The following ZNF559 variants were observed in gnomAD, a reference collection of about 807,000 sequenced individuals.
ZNF559 encodes the protein putative protein product of Nbla00121.
ZNF559 carries 17 observed loss-of-function variants against 14.2 expected under a neutral mutation model. That is an observed-to-expected ratio of 1.20 (90% CI 0.82 to 1.80). The LOEUF is 1.80. Ranked by LOEUF, ZNF559 falls within the 40% of genes most tolerant of loss-of-function variation. The pLI, the probability that ZNF559 is intolerant of heterozygous loss-of-function variation, is 0.00. For synonymous variants in ZNF559, 244 were observed against 212.4 expected (o/e 1.15, Z -1.29); for missense variants, 740 against 629.7 (o/e 1.18, Z -1.88).
rs188413054 is a variant in ZNF559, at chr19:9,339,809, C to T, written c.160+490C>T. Among the ~76,000 whole-genome samples the T allele has an allele frequency of 7.6e-3, 1,139 of 150,396 alleles. 9 individuals carry two copies. The highest frequency in any genetic ancestry group is 0.026 in the African/African-American group (1,085 of 40,986). ...TTTGAGACAGAGTCTTGCTCTGTCA[C>T]CCAGGCTGGAGTGCAGTGGCGTGAT... is the stretch of plus-strand genomic sequence containing the variant. On this transcript the variant is annotated intron_variant, in intron 5 of 6. Coordinates refer to ENST00000603380, the MANE Select transcript of ZNF559 (RefSeq NM_032497.3).
rs771747464 is a variant in ZNF559 at position 9,341,674 on chromosome 19, A to G, written c.244-21A>G. 1.8e-5 allele frequency: 29 copies of G among 1,600,240 alleles called. No individual in the cohort carries two copies. The African/African-American group carries it at 3.4e-4, about 19-fold the overall frequency. ...TAAATTTGGAAAACTTCTATGAACCATCATTAATTTTCACCAACAGGAGAG... is the reference window on the plus strand; with the variant it reads ...TAAATTTGGAAAACTTCTATGAACCGTCATTAATTTTCACCAACAGGAGAG... On this transcript the variant is annotated intron_variant, in intron 6 of 6. Transcript: ENST00000603380.
At chr19:9,324,319 G>A (rs980700114) in intron 1 of ZNF559, 91 bp downstream of exon 1, 42 of 1,535,012 alleles carry the variant, frequency 2.7e-5, no homozygotes, top group Non-Finnish European at 3.5e-5. Context: ...CCAGTGAAAT[G>A]GAGCCTGTCC....
intron 2 of ZNF559, among the ~76,000 whole-genome samples, chr19:9,332,615 GT>G (rs1306237900): frequency 6.6e-6 from 1 of 152,148 alleles, no homozygotes; most frequent in Non-Finnish European, 1.5e-5. Flanking sequence ...CTTGGTGAAA[GT>G]CTGTGGATGG....
chr19:9,327,648 C>G (rs1251091579), intron 2 of ZNF559, among the ~76,000 whole-genome samples: 3 of 152,138 alleles, frequency 2.0e-5, no homozygotes, highest in Non-Finnish European at 1.5e-5. Flanking sequence ...TGTTCTTTCT[C>G]CATTCTTTAG....
At chr19:9,337,186 C>T (rs2067285607) in intron 2 of ZNF559, among the ~76,000 whole-genome samples, 1 of 152,170 alleles carries the variant, frequency 6.6e-6, no homozygotes, top group Admixed American at 6.5e-5. Flanking sequence ...TGACTTCATA[C>T]ACTTATGCCC....
intron 2 of ZNF559, among the ~76,000 whole-genome samples, chr19:9,334,890 T>A (rs557373925): frequency 1.6e-4 from 25 of 152,058 alleles, no homozygotes; most frequent in African/African-American, 5.5e-4. Context: ...ATCCTAGCAC[T>A]TTGGGAGGCT....
chr19:9,337,994 T>A (rs746822942), intron 3 of ZNF559, 136 bp downstream of exon 3: 6 of 1,536,138 alleles, frequency 3.9e-6, no homozygotes, highest in Non-Finnish European at 5.2e-6. Flanking sequence ...CACAGGATGC[T>A]GGCCATTGGT....
At chr19:9,327,638 T>C (rs8108141) in intron 2 of ZNF559, among the ~76,000 whole-genome samples, 92,673 of 152,078 alleles carry the variant, frequency 0.61, 28,868 homozygotes, top group African/African-American at 0.73. Context: ...CTAGTTCTGT[T>C]GTTCTTTCTC....
intron 3 of ZNF559, 83 bp downstream of exon 3, chr19:9,337,941 G>T: frequency 1.3e-6 from 2 of 1,535,992 alleles, no homozygotes; most frequent in South Asian, 2.4e-5. Flanking sequence ...GTCTCGAAGA[G>T]ACTTTGGGAA....
chr19:9,338,019 T>G, intron 3 of ZNF559, 161 bp downstream of exon 3: 1 of 1,535,570 alleles, frequency 6.5e-7, no homozygotes, highest in Non-Finnish European at 8.7e-7. Flanking sequence ...CCCTTTGTGG[T>G]AAGTCCGTAT....
rs1292273534 is a variant in ZNF559 at position 9,345,616 on chromosome 19, CT to C, written c.*2552del. The C allele has an allele frequency of 6.6e-6, 1 of 151,394 alleles. No homozygotes were observed. The highest frequency in any genetic ancestry group is 1.5e-5 in the Non-Finnish European group (1 of 67,862). 9.4% of individuals were successfully genotyped at this position (151,394 alleles called of 1,614,324 possible). ...CCTTTGGGGAAGAGTCTGTTCAAAT[CT>C]TTTGCCTGTTTATATTGGCTTTATT... On this transcript the variant is annotated 3_prime_UTR_variant, in exon 7 of 7. Coordinates refer to ENST00000603380, the MANE Select transcript of ZNF559 (RefSeq NM_032497.3).
At position 9,341,824 on chromosome 19, in the gene ZNF559, GA is replaced by G. The variant is rs1411550239; in HGVS notation, c.378del (p.Ala127ProfsTer78). The G allele has an allele frequency of 6.2e-7, 1 of 1,611,264 alleles. No homozygotes were observed. Among genetic ancestry groups the G allele is most frequent in the African/African-American group, 1.3e-5 (1 of 74,616 alleles). On this transcript the variant is annotated frameshift_variant, in exon 7 of 7. Coordinates refer to ENST00000603380, the MANE Select transcript of ZNF559 (RefSeq NM_032497.3). LOFTEE classifies it low-confidence loss of function (END_TRUNC). ...RKKTCECNQCEKAFRKPSIFT... is the reference protein window; with the variant it reads ...RKKTCECNQCXKAFRKPSIFT... The stretch of plus-strand genomic sequence containing the variant: ...GAAAACCTGTGAGTGTAATCAATGT[GA>G]AAAAGCCTTCAGAAAACCCTCTATC...
chr19:9,340,815 C>G (rs1404043693), intron 5 of ZNF559, among the ~76,000 whole-genome samples: 2 of 147,832 alleles, frequency 1.4e-5, no homozygotes, highest in Non-Finnish European at 3.0e-5. Context: ...TTGTGATCCA[C>G]CTGTCTTGGC....
At position 9,345,676 on chromosome 19, in the gene ZNF559, C is replaced by T. The variant is rs924336997; in HGVS notation, c.*2608C>T. 1 of 150,518 alleles carries T rather than the reference C, an allele frequency of 6.6e-6. No homozygotes were observed. Among genetic ancestry groups the T allele is most frequent in the Admixed American group, 6.6e-5 (1 of 15,104 alleles). 9.3% of individuals were successfully genotyped at this position (150,518 alleles called of 1,614,324 possible). A position where few individuals can be genotyped will look rare whatever the true frequency, so the allele number is the denominator to read the frequency against. On this transcript the variant is annotated 3_prime_UTR_variant, in exon 7 of 7. Coordinates refer to ENST00000603380, the MANE Select transcript of ZNF559 (RefSeq NM_032497.3). Reference sequence around the variant, plus strand: ...ATTTTTATTTTTTTTTATATAGAGACAGGGTTTTACTCTGTCTCCCAGGCT... The same window carrying T: ...ATTTTTATTTTTTTTTATATAGAGATAGGGTTTTACTCTGTCTCCCAGGCT...
At chr19:9,339,463 G>C in intron 5 of ZNF559, 144 bp downstream of exon 5, 1 of 948,096 alleles carries the variant, frequency 1.1e-6, no homozygotes. Context: ...TTACTGCCTT[G>C]TGATTTTTCT....
rs1030119176 is a variant in ZNF559 at position 9,342,699 on chromosome 19, A to G, written c.1248A>G (p.Lys416=). The G allele has an allele frequency of 5.0e-6, 8 of 1,614,098 alleles. No individual in the cohort carries two copies. Among genetic ancestry groups the G allele is most frequent in the Non-Finnish European group, 6.8e-6 (8 of 1,180,052 alleles). Residue 416 remains lysine (K), a synonymous_variant, in exon 7 of 7, where the codon AAA becomes AAG. Coordinates refer to ENST00000603380, the MANE Select transcript of ZNF559 (RefSeq NM_032497.3). ...VKPYDCQQCG[K]AFIRSSFLIR... Reference sequence around the variant, plus strand: ...CCTATGACTGTCAACAGTGTGGGAAAGCCTTCATTCGATCCTCATTTCTTA... The same window carrying G: ...CCTATGACTGTCAACAGTGTGGGAAGGCCTTCATTCGATCCTCATTTCTTA...
At position 9,329,326 on chromosome 19, in the gene ZNF559, G is replaced by C. The variant is rs546358279; in HGVS notation, c.-120+4546G>C. On this transcript the variant is annotated intron_variant, in intron 2 of 6. Transcript: ENST00000603380. ...TTGTCTGGGTGATCCAGTCATTGTT[G>C]AAAGTGGAGTGTTGAAGTCCCCTAC... Among the ~76,000 whole-genome samples, 67 of 152,202 alleles carry C rather than the reference G, an allele frequency of 4.4e-4. No homozygotes were observed. In the South Asian group the frequency reaches 0.014, roughly 31 times the overall value.
intron 1 of ZNF559, chr19:9,324,435 TGGGGCCTC>T (rs1279349228): frequency 6.9e-7 from 1 of 1,439,156 alleles, no homozygotes; most frequent in East Asian, 2.5e-5. Context: ...GCGGCTGCGC[TGGGGCCTC>T]GGCCCGGGAG....
intron 2 of ZNF559, among the ~76,000 whole-genome samples, chr19:9,326,135 A>T: frequency 1.0e-5 from 1 of 95,826 alleles, no homozygotes; most frequent in East Asian, 3.4e-4. Flanking sequence ...TTTTTTTGAG[A>T]CGGAGTCTGT....
Sources: gnomAD v4.1 joint callset for allele counts (sites outside exome capture counted in the v4.1 genomes callset) on GRCh38, gnomAD v4.1.1 for gene constraint, MANE v1.5 for transcripts, NCBI Gene and HGNC (gene_info 2026-07-23, HGNC 2026-07-21) for gene names.